PCDH1: variants seen among roughly 807,000 people sequenced by gnomAD.
PCDH1 encodes the protein protocadherin-1.
Under a neutral mutation model 74.6 loss-of-function variants are expected in PCDH1, and 23 were observed. That is an observed-to-expected ratio of 0.31 (90% CI 0.22 to 0.44). The LOEUF (loss-of-function observed/expected upper bound fraction) is 0.44. Among genes scored for constraint, PCDH1 ranks in the 20% least tolerant of loss-of-function variants. The pLI, the probability that PCDH1 is intolerant of heterozygous loss-of-function variation, is 1.00. For missense variants in PCDH1, 1,214 were observed against 1,641.4 expected (o/e 0.74, Z 4.50); for synonymous variants, 647 against 686.1 (o/e 0.94, Z 0.89).
chr5:141,877,040 C>CA (rs570519391), intron 1 of PCDH1, among the ~76,000 whole-genome samples: 277 of 152,306 alleles, frequency 1.8e-3, no homozygotes, highest in African/African-American at 6.5e-3. Context: ...CCAGCCTTCC[C>CA]GCTGTGCCGA....
intron 4 of PCDH1, among the ~76,000 whole-genome samples, chr5:141,855,981 C>T (rs1752321291): frequency 6.7e-6 from 1 of 148,340 alleles, no homozygotes; most frequent in Non-Finnish European, 1.5e-5. Context: ...AGGGACATGG[C>T]TAAGCAACAC....
chr5:141,868,440 G>T lies in PCDH1; in HGVS notation c.903+129C>A. 7.0e-7 allele frequency: 1 copy of T among 1,435,854 alleles called. No individual in the cohort carries two copies. Among genetic ancestry groups the T allele is most frequent in the East Asian group, 2.5e-5 (1 of 40,752 alleles). The allele number at this position is 1,435,854 out of a possible 1,614,324, so 88.9% of individuals were successfully genotyped here. On this transcript the variant is annotated intron_variant, in intron 2 of 4. Transcript: ENST00000287008. The surrounding 1 kb of genome is among the most constrained non-coding windows in gnomAD (Gnocchi z 4.8). ...GGAAAGACTCCCCTGGCTGAGTTTG[G>T]GGAGAAGGGGTCTCACTACAGTATT...
chr5:141,853,685 A>G lies in PCDH1; in HGVS notation c.*357T>C, dbSNP rs1752207646. ...CGCCCTGGTCGGCCATGAGGGAAAC[A>G]ATGAGTTAGAAGTACGCTGCCCACC... is the stretch of plus-strand genomic sequence containing the variant. On this transcript the variant is annotated 3_prime_UTR_variant, in exon 5 of 5. Transcript: ENST00000287008. The G allele has an allele frequency of 4.9e-6, 1 of 202,220 alleles. No individual in the cohort carries two copies. The highest frequency in any genetic ancestry group is 9.9e-6 in the Non-Finnish European group (1 of 100,878). The allele number at this position is 202,220 out of a possible 1,614,324, so 12.5% of individuals were successfully genotyped here.
chr5:141,864,714 A>G lies in PCDH1; in HGVS notation c.1617T>C (p.Ala539=). ...CAGGCTCCAGAGAGTAAACCAGCTC[A>G]GCATTAGAGCCAGAGTCAGCATCAC... ...TASDADSGSN[A]ELVYSLEPEP... is the part of the protein sequence containing the mutation. Residue 539 remains alanine (A), a synonymous_variant, in exon 3 of 5, where the codon GCT becomes GCC. Transcript: ENST00000287008. The surrounding 1 kb of genome is among the most constrained non-coding windows in gnomAD (Gnocchi z 5.9). 6.2e-7 allele frequency: 1 copy of G among 1,614,100 alleles called. No homozygotes were observed. Among genetic ancestry groups the G allele is most frequent in the Non-Finnish European group, 8.5e-7 (1 of 1,179,958 alleles).
At chr5:141,862,682 C>G in intron 3 of PCDH1, 1 of 989,286 alleles carries the variant, frequency 1.0e-6, no homozygotes, top group Non-Finnish European at 1.2e-6. Context: ...TTGTCAGGGT[C>G]AAGGGCATGT....
At position 141,863,761 on chromosome 5, in the gene PCDH1, A is replaced by G; in HGVS notation, c.2570T>C (p.Val857Ala). ...SKQRGNILFG[V>A]VAGVVAVALL... ...GGCCACGGCCACCACACCAGCCACC[A>G]CACCAAAGAGAATGTTGCCACGCTG... The change falls in exon 3 of 5, where the codon GTG becomes GCG. Residue 857 changes from valine to alanine, a missense_variant. Physicochemically the swap from Val to Ala is moderately conservative, Grantham distance 64. Transcript: ENST00000287008. The surrounding 1 kb of genome is among the most constrained non-coding windows in gnomAD (Gnocchi z 7.5). 1.2e-6 allele frequency: 2 copies of G among 1,614,182 alleles called. No homozygotes were observed. Among genetic ancestry groups the G allele is most frequent in the Non-Finnish European group, 8.5e-7 (1 of 1,180,016 alleles).
In PCDH1 at chr5:141,863,160, C is replaced by A; in HGVS notation, c.3099+72G>T. The A allele has an allele frequency of 1.3e-6, 2 of 1,494,398 alleles. No individual in the cohort carries two copies. The highest frequency in any genetic ancestry group is 1.8e-6 in the Non-Finnish European group (2 of 1,119,978). 92.6% of individuals were successfully genotyped at this position (1,494,398 alleles called of 1,614,324 possible). A position where few individuals can be genotyped will look rare whatever the true frequency, so the allele number is the denominator to read the frequency against. On this transcript the variant is annotated intron_variant, in intron 3 of 4. Coordinates refer to ENST00000287008, the MANE Select transcript of PCDH1 (RefSeq NM_032420.5). This position sits in a 1 kb window ranked among gnomAD's most constrained non-coding sequence, Gnocchi z 7.5. ...TAAACCTGCTCCATCACTCCCACAC[C>A]TCGGTCCAGATGGCTCCGTGGTAGG...
chr5:141,873,851 T>C (rs753876309), intron 1 of PCDH1, among the ~76,000 whole-genome samples: 2 of 152,214 alleles, frequency 1.3e-5, no homozygotes, highest in Non-Finnish European at 2.9e-5. Context: ...CTAAGCATTT[T>C]ACACACATGA....
In PCDH1 at chr5:141,863,453, G is replaced by C. The variant is rs375509872; in HGVS notation, c.2878C>G (p.Pro960Ala). ...TGGCGGCCCAGGTCAGGGCTGCCTG[G>C]TGGGTAGTTGAGGGGCAGGTGGATG... is the stretch of plus-strand genomic sequence containing the variant. Reference protein sequence around the residue: ...PRIHLPLNYPPGSPDLGRHYR... With the variant: ...PRIHLPLNYPAGSPDLGRHYR... The change falls in exon 3 of 5, where the codon CCA (proline) becomes GCA (alanine). Residue 960 changes from proline to alanine, a missense_variant. By Grantham distance (27) the Pro-to-Ala change is conservative (BLOSUM62 -1). Coordinates refer to ENST00000287008, the MANE Select transcript of PCDH1 (RefSeq NM_032420.5). This position sits in a 1 kb window ranked among gnomAD's most constrained non-coding sequence, Gnocchi z 7.5. The C allele has an allele frequency of 2.5e-6, 4 of 1,576,164 alleles. No homozygotes were observed. The highest frequency in any genetic ancestry group is 3.4e-6 in the Non-Finnish European group (4 of 1,160,280).
chr5:141,878,308 G>A lies in PCDH1; in HGVS notation c.-46C>T. ...CTGGGCTGCGGCTCCGCACGGCTGG[G>A]GCTGGAGCTGCAGTTCGGGCTCCGG... On this transcript the variant is annotated 5_prime_UTR_variant, in exon 1 of 5. Coordinates refer to ENST00000287008, the MANE Select transcript of PCDH1 (RefSeq NM_032420.5). This position sits in a 1 kb window ranked among gnomAD's most constrained non-coding sequence, Gnocchi z 5.5. 8.3e-7 allele frequency: 1 copy of A among 1,205,704 alleles called. No individual in the cohort carries two copies. The highest frequency in any genetic ancestry group is 1.0e-6 in the Non-Finnish European group (1 of 971,378). 74.7% of individuals were successfully genotyped at this position (1,205,704 alleles called of 1,614,324 possible).
intron 4 of PCDH1, chr5:141,856,190 ACAGACCC>A (rs915812574): frequency 3.1e-5 from 48 of 1,533,930 alleles, no homozygotes; most frequent in African/African-American, 1.6e-4. Context: ...GCAGAGTCCC[ACAGACCC>A]CAGACCCCAG....
chr5:141,854,797 G>A (rs552538024), intron 4 of PCDH1, among the ~76,000 whole-genome samples: 3 of 150,574 alleles, frequency 2.0e-5, no homozygotes, highest in Non-Finnish European at 4.4e-5. Context: ...TCAGCCTCCC[G>A]AGTAGCTGGG....
rs1290107643 is a variant in PCDH1 at position 141,878,131 on chromosome 5, C to A, written c.40+92G>T. 1.6e-6 allele frequency: 2 copies of A among 1,231,592 alleles called. No individual in the cohort carries two copies. Among genetic ancestry groups the A allele is most frequent in the Non-Finnish European group, 2.1e-6 (2 of 944,082 alleles). The allele number at this position is 1,231,592 out of a possible 1,614,324, so 76.3% of individuals were successfully genotyped here. A position where few individuals can be genotyped will look rare whatever the true frequency, so the allele number is the denominator to read the frequency against. ...AGCTCGTGTTGGGCCCCCGCGGCCTCGCTCCGCCGAGCGCCCCTCCCTCAG... is the reference window on the plus strand; with the variant it reads ...AGCTCGTGTTGGGCCCCCGCGGCCTAGCTCCGCCGAGCGCCCCTCCCTCAG... On this transcript the variant is annotated intron_variant, in intron 1 of 4. Coordinates refer to ENST00000287008, the MANE Select transcript of PCDH1 (RefSeq NM_032420.5). This position sits in a 1 kb window ranked among gnomAD's most constrained non-coding sequence, Gnocchi z 5.5.
chr5:141,871,054 A>G (rs1753081036), intron 1 of PCDH1, among the ~76,000 whole-genome samples: 1 of 152,142 alleles, frequency 6.6e-6, no homozygotes, highest in Non-Finnish European at 1.5e-5. Flanking sequence ...GCAATGAATC[A>G]TGGGGCTGAC....
At position 141,873,592 on chromosome 5, in the gene PCDH1, G is replaced by A. The variant is rs1158271220; in HGVS notation, c.41-4161C>T. Among the ~76,000 whole-genome samples, 172 of 147,558 alleles carry A rather than the reference G, an allele frequency of 1.2e-3. 1 individual carries two copies. Among genetic ancestry groups the A allele is most frequent in the African/African-American group, 4.2e-3 (168 of 39,556 alleles). On this transcript the variant is annotated intron_variant, in intron 1 of 4. Transcript: ENST00000287008. The stretch of plus-strand genomic sequence containing the variant: ...CTCCCGAGTAGCTGGGACTACAGGC[G>A]CCCGCCACCATGCCCAGCTAATTTT...
rs1275471871 is a variant in PCDH1, at chr5:141,869,082, A to T, written c.390T>A (p.Asp130Glu). 5 of 1,612,922 alleles carry T rather than the reference A, an allele frequency of 3.1e-6. No individual in the cohort carries two copies. Among genetic ancestry groups the T allele is most frequent in the African/African-American group, 1.3e-5 (1 of 74,484 alleles). ...LRECQNQLPG[D>E]PCILEFEVSI... ...ATACCTCAAACTCCAGGATGCAGGG[A>T]TCACCAGGGAGCTGGTTCTGGCATT... Residue 130 changes from aspartate (D) to glutamate (E), a missense_variant, in exon 2 of 5, where the codon GAT becomes GAA. By Grantham distance (45) the Asp-to-Glu change is conservative. Around this residue, in one of 4 missense-constraint regions of PCDH1, gnomAD observed 97 missense variants for 173.2 expected, o/e 0.56. Coordinates refer to ENST00000287008, the MANE Select transcript of PCDH1 (RefSeq NM_032420.5). This position sits in a 1 kb window ranked among gnomAD's most constrained non-coding sequence, Gnocchi z 4.9.
chr5:141,865,324 G>C lies in PCDH1; in HGVS notation c.1007C>G (p.Thr336Ser), dbSNP rs766585212. Residue 336 changes from threonine to serine, a missense_variant, in exon 3 of 5, where the codon ACT becomes AGT. Transcript: ENST00000287008. The surrounding 1 kb of genome is among the most constrained non-coding windows in gnomAD (Gnocchi z 4.4). ...CGGGCCCTGAACAGTGATAAGTCCA[G>C]TGTTCCTGTCCAGTCGAAGAAGACG... The part of the protein sequence containing the change: ...VRRLLRLDRN[T>S]GLITVQGPVD... 1 of 1,614,074 alleles carries C rather than the reference G, an allele frequency of 6.2e-7. No homozygotes were observed. Among genetic ancestry groups the C allele is most frequent in the African/African-American group, 1.3e-5 (1 of 74,918 alleles).
intron 4 of PCDH1, 76 bp downstream of exon 4, chr5:141,857,176 T>C (rs1177852765): frequency 8.2e-7 from 1 of 1,224,678 alleles, no homozygotes; most frequent in East Asian, 2.4e-5. Flanking sequence ...ACATAGATGA[T>C]TTGTTTAAGG....
rs549865454 is a variant in PCDH1 at position 141,878,210 on chromosome 5, G to C, written c.40+13C>G. 2.9e-5 allele frequency: 41 copies of C among 1,426,158 alleles called. No individual in the cohort carries two copies. The East Asian group carries it at 8.5e-4, about 30-fold the overall frequency. The allele number at this position is 1,426,158 out of a possible 1,614,324, so 88.3% of individuals were successfully genotyped here. A position where few individuals can be genotyped will look rare whatever the true frequency, so the allele number is the denominator to read the frequency against. ...CCAAGCCGCTGCTGCCTCCACCGCCGCCGGATCCTTACCCGCCTCCGGGCA... is the reference window on the plus strand; with the variant it reads ...CCAAGCCGCTGCTGCCTCCACCGCCCCCGGATCCTTACCCGCCTCCGGGCA... On this transcript the variant is annotated intron_variant, in intron 1 of 4. Transcript: ENST00000287008. This position sits in a 1 kb window ranked among gnomAD's most constrained non-coding sequence, Gnocchi z 5.5.
Sources: gnomAD v4.1 joint callset for allele counts (sites outside exome capture counted in the v4.1 genomes callset) on GRCh38, gnomAD v4.1.1 for gene constraint, gnomAD v4.1.1 regional missense constraint, Gnocchi (gnomAD v3.1) non-coding constraint, MANE v1.5 for transcripts, NCBI Gene and HGNC (gene_info 2026-07-23, HGNC 2026-07-21) for gene names.